The following CNTN5 variants were observed in gnomAD, a reference collection of about 807,000 sequenced individuals.
CNTN5 encodes the protein contactin-5.
In CNTN5, 77 loss-of-function variants were observed where a neutral mutation model predicts 129.1. The observed-to-expected ratio is 0.60, with a 90% CI of 0.50 to 0.72. CNTN5 has a LOEUF of 0.72. Among genes scored for constraint, CNTN5 ranks in the 30% least tolerant of loss-of-function variants. CNTN5 has a pLI of 0.00. For missense variants in CNTN5, 1,478 were observed against 1,328.8 expected (o/e 1.11, Z -1.75); for synonymous variants, 509 against 465.6 (o/e 1.09, Z -1.20).
chr11:99,025,109 A>G (rs969310279), intron 1 of CNTN5, among the ~76,000 whole-genome samples: 9 of 151,982 alleles, frequency 5.9e-5, no homozygotes, highest in Non-Finnish European at 1.0e-4. Flanking sequence ...AACAGATCCG[A>G]CAGGACTCAC....
intron 6 of CNTN5, among the ~76,000 whole-genome samples, chr11:99,857,078 T>C (rs575351529): frequency 1.4e-5 from 2 of 144,718 alleles, no homozygotes; most frequent in Admixed American, 1.4e-4. Context: ...CTCCCTCTCT[T>C]CCTCTCTCTC....
chr11:99,175,364 A>G lies in CNTN5; in HGVS notation c.-209-149982A>G, dbSNP rs573460051. 6.4e-4 allele frequency among the ~76,000 whole-genome samples: 98 copies of G among 152,370 alleles called. 1 individual carries two copies. Among genetic ancestry groups the G allele is most frequent in the Non-Finnish European group, 1.2e-3 (83 of 68,036 alleles). On this transcript the variant is annotated intron_variant, in intron 1 of 24. Transcript: ENST00000524871. ...TGTGAAAATGAAGAGAGAAGAAAAG[A>G]GGAAGACAGAGAAAAGGTCAGATAA...
At chr11:99,581,287 G>T (rs1170338668) in intron 3 of CNTN5, among the ~76,000 whole-genome samples, 2 of 142,248 alleles carry the variant, frequency 1.4e-5, no homozygotes, top group East Asian at 4.1e-4. Flanking sequence ...GTGGTGTGGT[G>T]CTGAAAAGAA....
intron 1 of CNTN5, among the ~76,000 whole-genome samples, chr11:99,094,000 TATA>T (rs1218973981): frequency 6.6e-6 from 1 of 151,964 alleles, no homozygotes; most frequent in African/African-American, 2.4e-5. Flanking sequence ...GATAATATAA[TATA>T]GTAGAAATAT....
intron 3 of CNTN5, among the ~76,000 whole-genome samples, chr11:99,697,877 T>C (rs1954342112): frequency 6.6e-6 from 1 of 151,710 alleles, no homozygotes; most frequent in Non-Finnish European, 1.5e-5. Flanking sequence ...AAAGCAATCA[T>C]GGGGACCCTG....
intron 3 of CNTN5, among the ~76,000 whole-genome samples, chr11:99,804,140 T>C (rs1394268964): frequency 6.6e-6 from 1 of 152,132 alleles, no homozygotes; most frequent in African/African-American, 2.4e-5. Context: ...TCAGTCAATA[T>C]AGTTACAGTA....
At chr11:100,139,994 C>G (rs537334836) in intron 13 of CNTN5, among the ~76,000 whole-genome samples, 3 of 152,070 alleles carry the variant, frequency 2.0e-5, no homozygotes, top group Non-Finnish European at 4.4e-5. Flanking sequence ...CTGACAAATC[C>G]TAGCGCACAG....
intron 13 of CNTN5, among the ~76,000 whole-genome samples, chr11:100,098,133 A>G (rs1202060694): frequency 2.0e-5 from 3 of 152,060 alleles, no homozygotes; most frequent in Non-Finnish European, 4.4e-5. Flanking sequence ...TTAAGTATGG[A>G]GAGACTACTA....
chr11:99,718,254 A>G (rs776682713), intron 3 of CNTN5, among the ~76,000 whole-genome samples: 19 of 152,174 alleles, frequency 1.2e-4, no homozygotes, highest in Non-Finnish European at 1.9e-4. Flanking sequence ...AATATTTGTT[A>G]ATCACTCACT....
At chr11:99,566,553 TGTTTA>T (rs1382823664) in intron 3 of CNTN5, among the ~76,000 whole-genome samples, 2 of 152,210 alleles carry the variant, frequency 1.3e-5, no homozygotes, top group African/African-American at 4.8e-5. Flanking sequence ...TTTGGTTGTG[TGTTTA>T]GTTAAACTAA....
chr11:100,066,854 TA>T (rs1943717375), intron 10 of CNTN5, among the ~76,000 whole-genome samples: 1 of 147,978 alleles, frequency 6.8e-6, no homozygotes, highest in South Asian at 2.2e-4. Flanking sequence ...AAAAAAAGTT[TA>T]AATGTAACCT....
At chr11:100,048,169 T>C (rs1283193781) in intron 9 of CNTN5, among the ~76,000 whole-genome samples, 1 of 152,086 alleles carries the variant, frequency 6.6e-6, no homozygotes, top group Admixed American at 6.6e-5. Context: ...TGCACTCTTT[T>C]CTGGAGCTGG....
At chr11:99,462,950 CA>C (rs980694475) in intron 2 of CNTN5, among the ~76,000 whole-genome samples, 2 of 150,484 alleles carry the variant, frequency 1.3e-5, no homozygotes, top group East Asian at 2.0e-4. Context: ...ACAAAACAAA[CA>C]AAAAAAATTA....
At chr11:99,777,320 C>T (rs1189757157) in intron 3 of CNTN5, among the ~76,000 whole-genome samples, 1 of 151,776 alleles carries the variant, frequency 6.6e-6, no homozygotes, top group African/African-American at 2.4e-5. Context: ...TGTTGTGCAT[C>T]TCATCAAAGA....
intron 1 of CNTN5, among the ~76,000 whole-genome samples, chr11:99,175,735 G>A (rs1168526455): frequency 1.3e-5 from 2 of 152,028 alleles, no homozygotes; most frequent in Admixed American, 6.6e-5. Context: ...AAATTATAGA[G>A]GGGTCAGATG....
Position 100,271,200 on chromosome 11 carries a change from A to C in CNTN5, c.2273A>C (p.Asp758Ala). Residue 758 changes from aspartate (D) to alanine (A), a missense_variant, in exon 18 of 25, where the codon GAT becomes GCT. Transcript: ENST00000524871. ...VVATNPIGTG[D>A]PSTPSRMIRT... ...GCCACCAACCCTATTGGGACAGGAGATCCAAGCACCCCATCTCGAATGATC... is the reference window on the plus strand; with the variant it reads ...GCCACCAACCCTATTGGGACAGGAGCTCCAAGCACCCCATCTCGAATGATC... The C allele has an allele frequency of 6.2e-7, 1 of 1,612,332 alleles. No individual in the cohort carries two copies.
At chr11:100,251,879 TA>T (rs1399391293) in intron 16 of CNTN5, among the ~76,000 whole-genome samples, 2 of 152,182 alleles carry the variant, frequency 1.3e-5, no homozygotes, top group Non-Finnish European at 2.9e-5. Context: ...GCAATAAACA[TA>T]AGGGTAAAGA....
At chr11:99,945,964 A>C (rs1950545508) in intron 7 of CNTN5, among the ~76,000 whole-genome samples, 1 of 152,112 alleles carries the variant, frequency 6.6e-6, no homozygotes, top group African/African-American at 2.4e-5. Flanking sequence ...AAGCATGAAA[A>C]AAAAAATCTA....
intron 3 of CNTN5, among the ~76,000 whole-genome samples, chr11:99,662,439 G>C (rs1952628129): frequency 6.6e-6 from 1 of 152,104 alleles, no homozygotes; most frequent in African/African-American, 2.4e-5. Context: ...ATTAAAACAA[G>C]CTAGATAAAA....
Sources: allele counts gnomAD v4.1 joint callset (sites outside exome capture counted in the v4.1 genomes callset), GRCh38; gene constraint gnomAD v4.1.1; transcripts MANE v1.5; gene names NCBI Gene and HGNC (gene_info 2026-07-23, HGNC 2026-07-21).